The following ADCY2 variants were observed in gnomAD, a reference collection of about 807,000 sequenced individuals.
ADCY2 encodes adenylate cyclase 2.
Under a neutral mutation model 125.2 loss-of-function variants are expected in ADCY2, and 31 were observed. That is an observed-to-expected ratio of 0.25 (90% CI 0.19 to 0.33). ADCY2 has a LOEUF of 0.33. Among genes scored for constraint, ADCY2 ranks in the 10% least tolerant of loss-of-function variants. The pLI is 1.00. For synonymous variants in ADCY2, 512 were observed against 548.4 expected (o/e 0.93, Z 0.93); for missense variants, 904 against 1,418.2 (o/e 0.64, Z 5.82).
intron 3 of ADCY2, among the ~76,000 whole-genome samples, chr5:7,595,370 G>A (rs1467858868): frequency 6.6e-6 from 1 of 152,054 alleles, no homozygotes; most frequent in Non-Finnish European, 1.5e-5. Context: ...GTAAACCTTT[G>A]TTGTGTTAAT....
chr5:7,741,660 C>G (rs1025894202), intron 14 of ADCY2, among the ~76,000 whole-genome samples: 2 of 147,604 alleles, frequency 1.4e-5, no homozygotes, highest in East Asian at 3.9e-4. Context: ...TCCTCATTAT[C>G]ATCATCATCA....
chr5:7,698,194 G>T, intron 6 of ADCY2, 53 bp from the exon 7 acceptor site: 1 of 1,607,824 alleles, frequency 6.2e-7, no homozygotes, highest in Non-Finnish European at 8.5e-7. Context: ...CATGAATCTA[G>T]ATCATTCTGC....
chr5:7,442,772 A>G (rs1741062171), intron 2 of ADCY2, among the ~76,000 whole-genome samples: 1 of 152,218 alleles, frequency 6.6e-6, no homozygotes, highest in Non-Finnish European at 1.5e-5. Flanking sequence ...ATAGGAATAA[A>G]TTGTTAACTT....
rs539567899 is a variant in ADCY2 at position 7,396,781 on chromosome 5, C to T, written c.210+275C>T. Among the ~76,000 whole-genome samples the T allele has an allele frequency of 3.9e-5, 6 of 152,272 alleles. No homozygotes were observed. In the South Asian group the frequency reaches 1.2e-3, roughly 32 times the overall value. On this transcript the variant is annotated intron_variant, in intron 1 of 24. Transcript: ENST00000338316. This position sits in a 1 kb window ranked among gnomAD's most constrained non-coding sequence, Gnocchi z 5.7. ...ACCAGGTGGACGGGCAGGGCGTGTG[C>T]TTTTTGCATCTTTGCGCACCCGCTG...
At chr5:7,626,614 T>A (rs1311879424) in intron 4 of ADCY2, among the ~76,000 whole-genome samples, 1 of 152,080 alleles carries the variant, frequency 6.6e-6, no homozygotes, top group Non-Finnish European at 1.5e-5. Context: ...CACTCATGGA[T>A]AATGGGTAAT....
At chr5:7,783,637 A>G (rs1379622793) in intron 18 of ADCY2, among the ~76,000 whole-genome samples, 2 of 152,150 alleles carry the variant, frequency 1.3e-5, no homozygotes, top group African/African-American at 4.8e-5. Context: ...GTGTCCATGC[A>G]CCATCCATTT....
intron 2 of ADCY2, among the ~76,000 whole-genome samples, chr5:7,502,366 A>G (rs1305480499): frequency 1.3e-5 from 2 of 152,132 alleles, no homozygotes; most frequent in Admixed American, 6.5e-5. Flanking sequence ...TCAGCCAGTG[A>G]TGACCAAACC....
intron 3 of ADCY2, among the ~76,000 whole-genome samples, chr5:7,525,832 T>A (rs995896352): frequency 6.6e-6 from 1 of 152,224 alleles, no homozygotes; most frequent in Admixed American, 6.5e-5. Flanking sequence ...TTTCCTTTAT[T>A]GGACCAATTC....
intron 14 of ADCY2, among the ~76,000 whole-genome samples, chr5:7,737,896 A>G (rs1742294730): frequency 6.6e-6 from 1 of 152,218 alleles, no homozygotes; most frequent in African/African-American, 2.4e-5. Context: ...ACATCTTTAA[A>G]CCACTGATAG....
At chr5:7,727,407 C>G (rs1305168246) in intron 14 of ADCY2, 146 bp downstream of exon 14, 3 of 649,042 alleles carry the variant, frequency 4.6e-6, no homozygotes, top group Non-Finnish European at 7.8e-6. Flanking sequence ...CCCAGGACCT[C>G]GGAGGTTAAG....
chr5:7,714,257 T>C (rs1046783687), intron 11 of ADCY2, among the ~76,000 whole-genome samples: 2 of 152,202 alleles, frequency 1.3e-5, no homozygotes, highest in African/African-American at 4.8e-5. Flanking sequence ...ACCACAGAAA[T>C]GTCACAGACT....
intron 3 of ADCY2, among the ~76,000 whole-genome samples, chr5:7,537,340 A>C (rs751276645): frequency 6.6e-6 from 1 of 152,206 alleles, no homozygotes; most frequent in Non-Finnish European, 1.5e-5. Flanking sequence ...CATTGTCTCC[A>C]CTTCAGTGTC....
At chr5:7,481,298 C>G (rs252544) in intron 2 of ADCY2, among the ~76,000 whole-genome samples, 45,007 of 151,880 alleles carry the variant, frequency 0.3, 7,172 homozygotes, top group East Asian at 0.53. Context: ...ACAGAGTCTC[C>G]CTCTGTCACC....
At chr5:7,592,370 T>G (rs546585149) in intron 3 of ADCY2, among the ~76,000 whole-genome samples, 1 of 152,132 alleles carries the variant, frequency 6.6e-6, no homozygotes, top group Admixed American at 6.5e-5. Context: ...TAATGATGGG[T>G]GAACTAAATG....
chr5:7,535,406 T>A (rs1561079730), intron 3 of ADCY2, among the ~76,000 whole-genome samples: 1 of 152,238 alleles, frequency 6.6e-6, no homozygotes, highest in Non-Finnish European at 1.5e-5. Flanking sequence ...AATGCATCAC[T>A]CTAATGCATG....
At chr5:7,547,644 T>C (rs1735189952) in intron 3 of ADCY2, among the ~76,000 whole-genome samples, 3 of 152,188 alleles carry the variant, frequency 2.0e-5, no homozygotes, top group Admixed American at 2.0e-4. Context: ...GTGCCTGGCA[T>C]ACCCAGTTCC....
In ADCY2 at chr5:7,642,958, TA is replaced by T. The variant is rs570386122; in HGVS notation, c.720+16645del. Reference sequence around the variant, plus strand: ...TTTCAAGAGCTCATTAAGGGAGTTCTAAATGTGGAAATGAAAGAACCATACC... The same window carrying T: ...TTTCAAGAGCTCATTAAGGGAGTTCTAATGTGGAAATGAAAGAACCATACC... On this transcript the variant is annotated intron_variant, in intron 4 of 24. Coordinates refer to ENST00000338316, the MANE Select transcript of ADCY2 (RefSeq NM_020546.3). Among the ~76,000 whole-genome samples, 13 of 152,220 alleles carry T rather than the reference TA, an allele frequency of 8.5e-5. No individual in the cohort carries two copies. The South Asian group carries it at 2.7e-3, about 32-fold the overall frequency.
At chr5:7,659,816 G>A (rs1177738417) in intron 4 of ADCY2, among the ~76,000 whole-genome samples, 4 of 152,158 alleles carry the variant, frequency 2.6e-5, no homozygotes, top group Non-Finnish European at 4.4e-5. Context: ...CCAGGTGCTC[G>A]GCGAGAGCCT....
At chr5:7,446,436 T>G (rs1210265258) in intron 2 of ADCY2, among the ~76,000 whole-genome samples, 1 of 152,212 alleles carries the variant, frequency 6.6e-6, no homozygotes, top group African/African-American at 2.4e-5. Context: ...TTACATTTCT[T>G]TGTTTTTAAG....
Sources: gnomAD v4.1 joint callset for allele counts (sites outside exome capture counted in the v4.1 genomes callset) on GRCh38, gnomAD v4.1.1 for gene constraint, Gnocchi (gnomAD v3.1) non-coding constraint, MANE v1.5 for transcripts, NCBI Gene and HGNC (gene_info 2026-07-23, HGNC 2026-07-21) for gene names.